Variants in GPR176 observed in about 807,000 individuals in gnomAD.
The protein encoded by GPR176 is G protein-coupled receptor 176.
GPR176 carries 26 observed loss-of-function variants against 35.4 expected under a neutral mutation model. That is an observed-to-expected ratio of 0.74 (90% CI 0.54 to 1.02). The LOEUF is 1.02. GPR176 is among the 50% of genes least tolerant of loss of function. The pLI is 0.00. For missense variants in GPR176, 597 were observed against 665.3 expected (o/e 0.90, Z 1.13); for synonymous variants, 278 against 271.3 (o/e 1.02, Z -0.24).
At chr15:39,828,607 C>T (rs536097279) in intron 1 of GPR176, among the ~76,000 whole-genome samples, 24 of 152,274 alleles carry the variant, frequency 1.6e-4, no homozygotes, top group Middle Eastern at 3.4e-3. Flanking sequence ...AGGTGCCAGA[C>T]GTGGTTTCTT....
chr15:39,898,139 CATA>C (rs1207209787), intron 1 of GPR176, among the ~76,000 whole-genome samples: 8 of 152,110 alleles, frequency 5.3e-5, no homozygotes, highest in African/African-American at 1.9e-4. Flanking sequence ...TTCATGAAAC[CATA>C]ATGTCAGTGA....
chr15:39,896,484 T>C (rs996264701), intron 1 of GPR176, among the ~76,000 whole-genome samples: 2 of 152,258 alleles, frequency 1.3e-5, no homozygotes, highest in Admixed American at 6.5e-5. Context: ...AATATATAAA[T>C]TGATACTTTC....
intron 1 of GPR176, among the ~76,000 whole-genome samples, chr15:39,814,071 A>G (rs1247800361): frequency 6.6e-6 from 1 of 152,198 alleles, no homozygotes; most frequent in Non-Finnish European, 1.5e-5. Flanking sequence ...TGGTTTCCCC[A>G]AGTGCTAAAA....
At chr15:39,841,635 C>A (rs537927236) in intron 1 of GPR176, among the ~76,000 whole-genome samples, 1 of 152,154 alleles carries the variant, frequency 6.6e-6, no homozygotes, top group South Asian at 2.1e-4. Flanking sequence ...GAAGGGTTCC[C>A]CCACAGGTTT....
intron 1 of GPR176, among the ~76,000 whole-genome samples, chr15:39,815,139 G>C (rs889511775): frequency 6.6e-6 from 1 of 152,236 alleles, no homozygotes; most frequent in Non-Finnish European, 1.5e-5. Context: ...CTGAAAGACA[G>C]AAAAAGAGAG....
chr15:39,865,937 T>A (rs1047604806), intron 1 of GPR176, among the ~76,000 whole-genome samples: 1 of 151,990 alleles, frequency 6.6e-6, no homozygotes, highest in African/African-American at 2.4e-5. Flanking sequence ...GGTGAAAGAC[T>A]GGAAACAAAA....
At chr15:39,903,584 T>G (rs1331808104) in intron 1 of GPR176, among the ~76,000 whole-genome samples, 1 of 81,698 alleles carries the variant, frequency 1.2e-5, no homozygotes, top group Non-Finnish European at 3.2e-5. Flanking sequence ...ATATGTGAGG[T>G]TTTTTTTTTT....
chr15:39,819,297 C>CT (rs1444547445), intron 1 of GPR176, among the ~76,000 whole-genome samples: 1 of 152,162 alleles, frequency 6.6e-6, no homozygotes, highest in Non-Finnish European at 1.5e-5. Context: ...GGGTCCATAT[C>CT]TTCTGCACCA....
intron 1 of GPR176, among the ~76,000 whole-genome samples, chr15:39,833,025 C>A (rs1274722013): frequency 6.6e-6 from 1 of 152,116 alleles, no homozygotes; most frequent in Non-Finnish European, 1.5e-5. Context: ...AACTTCATGT[C>A]CATTTACCAT....
intron 1 of GPR176, among the ~76,000 whole-genome samples, chr15:39,881,859 A>G (rs1362808855): frequency 6.6e-6 from 1 of 152,208 alleles, no homozygotes; most frequent in African/African-American, 2.4e-5. Context: ...TGCAACTGGG[A>G]TGGTTTCTCA....
chr15:39,839,872 G>GA (rs564722568), intron 1 of GPR176, among the ~76,000 whole-genome samples: 1 of 152,052 alleles, frequency 6.6e-6, no homozygotes, highest in Non-Finnish European at 1.5e-5. Flanking sequence ...ACAAACATAT[G>GA]AAAAAAAGCT....
chr15:39,831,568 G>T (rs1490925269), intron 1 of GPR176, among the ~76,000 whole-genome samples: 2 of 152,046 alleles, frequency 1.3e-5, no homozygotes, highest in Non-Finnish European at 2.9e-5. Context: ...CCACTCAATG[G>T]CCCAAACCAG....
intron 1 of GPR176, among the ~76,000 whole-genome samples, chr15:39,851,921 T>C (rs8031617): frequency 0.013 from 2,038 of 152,254 alleles, 38 homozygotes; most frequent in African/African-American, 0.047. Flanking sequence ...AGACCTTTGA[T>C]TGTAAGTGCT....
At chr15:39,833,851 A>C (rs903976117) in intron 1 of GPR176, among the ~76,000 whole-genome samples, 2 of 152,198 alleles carry the variant, frequency 1.3e-5, no homozygotes, top group African/African-American at 2.4e-5. Flanking sequence ...CGCAGAAATG[A>C]GTCTGGCACC....
At chr15:39,894,764 C>T (rs2033044958) in intron 1 of GPR176, among the ~76,000 whole-genome samples, 1 of 151,706 alleles carries the variant, frequency 6.6e-6, no homozygotes, top group African/African-American at 2.4e-5. Flanking sequence ...GGGCTCCTCA[C>T]ATCCCAGATG....
chr15:39,849,487 C>T (rs2030703160), intron 1 of GPR176, among the ~76,000 whole-genome samples: 1 of 152,018 alleles, frequency 6.6e-6, no homozygotes, highest in Admixed American at 6.6e-5. Context: ...AGAGTACAGA[C>T]CAATATCCCT....
At chr15:39,805,175 A>C (rs1268575263) in intron 2 of GPR176, among the ~76,000 whole-genome samples, 3 of 152,218 alleles carry the variant, frequency 2.0e-5, no homozygotes, top group Non-Finnish European at 2.9e-5. Context: ...TCAGAAGGAC[A>C]CTGAACACAA....
At chr15:39,833,194 T>C (rs1901200827) in intron 1 of GPR176, among the ~76,000 whole-genome samples, 1 of 152,070 alleles carries the variant, frequency 6.6e-6, no homozygotes, top group African/African-American at 2.4e-5. Flanking sequence ...CATAGAAACT[T>C]GTACAAAAAT....
chr15:39,876,215 A>AGAATAAAAAT (rs1337660812), intron 1 of GPR176, among the ~76,000 whole-genome samples: 17 of 152,126 alleles, frequency 1.1e-4, no homozygotes, highest in Non-Finnish European at 1.2e-4. Flanking sequence ...ATTGAGCAGA[A>AGAATAAAAAT]GAATAAAAAT....
Sources: allele counts gnomAD v4.1 joint callset (sites outside exome capture counted in the v4.1 genomes callset), GRCh38; gene constraint gnomAD v4.1.1; transcripts MANE v1.5; gene names NCBI Gene and HGNC (gene_info 2026-07-23, HGNC 2026-07-21).